Variants in DNAH11 observed in about 807,000 individuals in gnomAD.
The protein encoded by DNAH11 is axonemal beta dynein heavy chain 11.
A neutral mutation model predicts 526.0 loss-of-function variants in DNAH11; 442 were observed. The ratio of observed to expected loss-of-function variants is 0.84; its 90% CI spans 0.78 to 0.91. The LOEUF is 0.91. DNAH11 is among the 40% of genes least tolerant of loss of function. DNAH11 has a pLI of 0.00. For missense variants in DNAH11, 6,989 were observed against 5,448.7 expected (o/e 1.28, Z -8.90); for synonymous variants, 2,461 against 1,935.9 (o/e 1.27, Z -7.12).
At chr7:21,759,438 A>G (rs1227377116) in intron 54 of DNAH11, among the ~76,000 whole-genome samples, 1 of 152,218 alleles carries the variant, frequency 6.6e-6, no homozygotes, top group Non-Finnish European at 1.5e-5. Flanking sequence ...TTGAAAGGTA[A>G]TTAGATGGGG....
intron 4 of DNAH11, 24 bp downstream of exon 4, chr7:21,559,816 ATAAAT>A (rs746285171): frequency 5.2e-6 from 8 of 1,553,236 alleles, no homozygotes; most frequent in Non-Finnish European, 6.1e-6. Context: ...CCTAGAAATT[ATAAAT>A]TAAATTAGCA....
chr7:21,605,724 CT>C (rs1470181555), intron 18 of DNAH11, among the ~76,000 whole-genome samples: 1 of 152,092 alleles, frequency 6.6e-6, no homozygotes, highest in Non-Finnish European at 1.5e-5. Context: ...TTTTCACTTG[CT>C]AAATTACTAA....
intron 77 of DNAH11, among the ~76,000 whole-genome samples, chr7:21,893,825 C>G (rs1784412738): frequency 6.6e-6 from 1 of 152,146 alleles, no homozygotes; most frequent in African/African-American, 2.4e-5. Context: ...GGGAGGGCAG[C>G]ATCATAGTTC....
intron 62 of DNAH11, among the ~76,000 whole-genome samples, chr7:21,802,512 A>G (rs13222674): frequency 0.19 from 28,586 of 152,184 alleles, 3,413 homozygotes; most frequent in Admixed American, 0.34. Context: ...TAAAAAGCTC[A>G]TATGCAATGT....
intron 20 of DNAH11, among the ~76,000 whole-genome samples, chr7:21,612,075 T>G (rs1785542288): frequency 1.3e-5 from 2 of 152,004 alleles, no homozygotes; most frequent in African/African-American, 2.4e-5. Flanking sequence ...CAGCAGATAT[T>G]CAAAAATATA....
At chr7:21,711,998 C>T in intron 42 of DNAH11, 138 bp downstream of exon 42, 1 of 1,018,048 alleles carries the variant, frequency 9.8e-7, no homozygotes, top group Non-Finnish European at 1.4e-6. Context: ...TTTATCTTCC[C>T]AAAGTGACAC....
chr7:21,663,975 T>A (rs1050287941), intron 30 of DNAH11, among the ~76,000 whole-genome samples: 1 of 152,016 alleles, frequency 6.6e-6, no homozygotes, highest in Non-Finnish European at 1.5e-5. Context: ...ATGGTAATTC[T>A]ATTTTTAATT....
intron 54 of DNAH11, among the ~76,000 whole-genome samples, chr7:21,764,142 C>T (rs536156389): frequency 5.2e-4 from 79 of 152,208 alleles, no homozygotes; most frequent in African/African-American, 1.9e-3. Flanking sequence ...GTTAACAATC[C>T]TGTATCGTAC....
chr7:21,641,379 C>G (rs1281151663), intron 28 of DNAH11, among the ~76,000 whole-genome samples: 1 of 152,136 alleles, frequency 6.6e-6, no homozygotes, highest in Admixed American at 6.5e-5. Flanking sequence ...ATGGTACTTT[C>G]TGTAGAAGGC....
In DNAH11 at chr7:21,778,967, C is replaced by T. The variant is rs201171938; in HGVS notation, c.9346C>T (p.Leu3116=). 9.9e-5 allele frequency: 159 copies of T among 1,612,898 alleles called. No homozygotes were observed. Among genetic ancestry groups the T allele is most frequent in the Non-Finnish European group, 1.3e-4 (154 of 1,179,332 alleles). ...LKTTASQVGD[L]KARLASQEAE... is the part of the protein sequence containing the mutation. ...ATGACTTTTGCTTTAGGTGGGAGAT[C>T]TAAAAGCCAGACTTGCCTCTCAAGA... Residue 3116 remains leucine (L), a synonymous_variant, in exon 57 of 82, where the codon CTA becomes TTA. Transcript: ENST00000409508.
intron 32 of DNAH11, among the ~76,000 whole-genome samples, chr7:21,684,392 T>G (rs983147775): frequency 6.6e-6 from 1 of 152,224 alleles, no homozygotes; most frequent in Non-Finnish European, 1.5e-5. Flanking sequence ...ATTCCACTGT[T>G]GAACAGCCAG....
chr7:21,825,711 G>A (rs1054377728), intron 65 of DNAH11, among the ~76,000 whole-genome samples: 2 of 151,942 alleles, frequency 1.3e-5, no homozygotes, highest in African/African-American at 4.8e-5. Context: ...AAAGTGCTTT[G>A]ATGTTTGGGA....
chr7:21,820,925 G>A (rs2128002099), intron 65 of DNAH11, among the ~76,000 whole-genome samples: 1 of 152,288 alleles, frequency 6.6e-6, no homozygotes, highest in South Asian at 2.1e-4. Flanking sequence ...AGTATTGACT[G>A]AAGGGGCGTG....
At chr7:21,583,177 C>G (rs1003806660) in intron 9 of DNAH11, among the ~76,000 whole-genome samples, 1 of 152,182 alleles carries the variant, frequency 6.6e-6, no homozygotes, top group African/African-American at 2.4e-5. Flanking sequence ...TGCTACCTGA[C>G]TTGAAACTAC....
At chr7:21,728,978 C>A (rs990496464) in intron 45 of DNAH11, among the ~76,000 whole-genome samples, 13 of 152,360 alleles carry the variant, frequency 8.5e-5, no homozygotes, top group Admixed American at 4.6e-4. Context: ...GGGGCAGCAG[C>A]CCTGTCCCTG....
intron 35 of DNAH11, among the ~76,000 whole-genome samples, chr7:21,697,574 C>T (rs1783906576): frequency 6.6e-6 from 1 of 152,140 alleles, no homozygotes; most frequent in Admixed American, 6.6e-5. Context: ...GAGGTTATTT[C>T]TGTCTATTGT....
intron 56 of DNAH11, 95 bp from the exon 57 acceptor site, chr7:21,778,863 G>A (rs1583685687): frequency 6.2e-6 from 9 of 1,442,900 alleles, no homozygotes; most frequent in Non-Finnish European, 8.4e-6. Flanking sequence ...GATACAAATT[G>A]TTAGAGATCC....
rs560601406 is a variant in DNAH11, at chr7:21,825,016, C to T, written c.10691+6677C>T. On this transcript the variant is annotated intron_variant, in intron 65 of 81. Coordinates refer to ENST00000409508, the MANE Select transcript of DNAH11 (RefSeq NM_001277115.2). Reference sequence around the variant, plus strand: ...CCTCCCGAGTAGCTGGAATTACAGGCGCCTGCCACCAGGCCTGGCTAATTT... The same window carrying T: ...CCTCCCGAGTAGCTGGAATTACAGGTGCCTGCCACCAGGCCTGGCTAATTT... Among the ~76,000 whole-genome samples, 10 of 152,190 alleles carry T rather than the reference C, an allele frequency of 6.6e-5. No homozygotes were observed. The East Asian group carries it at 1.2e-3, about 18-fold the overall frequency.
intron 30 of DNAH11, among the ~76,000 whole-genome samples, chr7:21,669,110 G>A (rs555811221): frequency 3.9e-5 from 6 of 152,168 alleles, no homozygotes; most frequent in South Asian, 2.1e-4. Flanking sequence ...ATTAGCATTC[G>A]TACATCCTCT....
Sources: gnomAD v4.1 joint callset for allele counts (sites outside exome capture counted in the v4.1 genomes callset) on GRCh38, gnomAD v4.1.1 for gene constraint, MANE v1.5 for transcripts, NCBI Gene and HGNC (gene_info 2026-07-23, HGNC 2026-07-21) for gene names.